Variants in MTHFD2L observed in about 807,000 individuals in gnomAD.
MTHFD2L encodes methylenetetrahydrofolate dehydrogenase (NADP+ dependent) 2 like, also known as bifunctional methylenetetrahydrofolate dehydrogenase/cyclohydrolase 2, mitochondrial.
Under a neutral mutation model 34.9 loss-of-function variants are expected in MTHFD2L, and 29 were observed. That is an observed-to-expected ratio of 0.83 (90% confidence interval 0.62 to 1.13). The LOEUF (loss-of-function observed/expected upper bound fraction) is 1.13. Ranked by LOEUF, MTHFD2L falls within the 50% of genes most tolerant of loss-of-function variation. The pLI, the probability that MTHFD2L is intolerant of heterozygous loss-of-function variation, is 0.00. For synonymous variants in MTHFD2L, 167 were observed against 155.7 expected (o/e 1.07, Z -0.54); for missense variants, 481 against 446.5 (o/e 1.08, Z -0.70).
rs1747469649 is a variant in MTHFD2L at position 74,281,464 on chromosome 4, G to T, written c.845G>T (p.Gly282Val). The T allele has an allele frequency of 6.2e-7, 1 of 1,612,700 alleles. No homozygotes were observed. The highest frequency in any genetic ancestry group is 1.7e-5 in the Admixed American group (1 of 59,858). Residue 282 changes from glycine to valine, a missense_variant, in exon 7 of 8, where the codon GGT becomes GTT. Gly to Val is a moderately radical substitution (Grantham distance 109). Transcript: ENST00000325278. ...ATTACGTCTGATATGGTTAAAGAAGGTGCTGCTGTAATTGATGTGGGTATC... is the reference window on the plus strand; with the variant it reads ...ATTACGTCTGATATGGTTAAAGAAGTTGCTGCTGTAATTGATGTGGGTATC... ...KLITSDMVKE[G>V]AAVIDVGINY... is the part of the protein sequence containing the mutation.
intron 6 of MTHFD2L, among the ~76,000 whole-genome samples, chr4:74,247,874 C>T (rs905167927): frequency 2.0e-4 from 30 of 152,136 alleles, no homozygotes; most frequent in African/African-American, 5.5e-4. Flanking sequence ...CTGCTGGATT[C>T]GGTTTGCCAG....
intron 5 of MTHFD2L, among the ~76,000 whole-genome samples, chr4:74,215,179 C>T (rs1255300521): frequency 6.6e-6 from 1 of 151,756 alleles, no homozygotes; most frequent in Non-Finnish European, 1.5e-5. Flanking sequence ...ACTTGGCTCC[C>T]TGGCTTCAGC....
chr4:74,165,044 A>G, intron 1 of MTHFD2L: 1 of 980,410 alleles, frequency 1.0e-6, no homozygotes, highest in Middle Eastern at 5.2e-4. Context: ...GTCACTATGT[A>G]ATTTTTTTGG....
In MTHFD2L at chr4:74,178,000, A is replaced by C. The variant is rs921624965; in HGVS notation, c.451+2597A>C. Among the ~76,000 whole-genome samples, 10 of 152,130 alleles carry C rather than the reference A, an allele frequency of 6.6e-5. No individual in the cohort carries two copies. In the South Asian group the frequency reaches 2.1e-3, roughly 31 times the overall value. ...ATACTAAGTAGAATGAGCTAGGCAC[A>C]AAAAGAAAAACCTGCATGATCTTAC... On this transcript the variant is annotated intron_variant, in intron 3 of 7. Transcript: ENST00000325278.
upstream of MTHFD2L, among the ~76,000 whole-genome samples, chr4:74,156,120 C>G (rs514451): frequency 0.99 from 151,003 of 152,240 alleles, 74,896 homozygotes; most frequent in Middle Eastern, 1. Flanking sequence ...TTCCCTCTTC[C>G]TGTTGTAAAG....
At chr4:74,293,629 C>T in intron 7 of MTHFD2L, 1 of 523,908 alleles carries the variant, frequency 1.9e-6, no homozygotes, top group Non-Finnish European at 2.4e-6. Flanking sequence ...AGTTCAATGG[C>T]AAGCTACTAA....
intron 7 of MTHFD2L, among the ~76,000 whole-genome samples, chr4:74,298,124 C>T (rs1197795843): frequency 1.3e-5 from 2 of 151,990 alleles, no homozygotes; most frequent in Admixed American, 1.3e-4. Flanking sequence ...TCTCTCATGA[C>T]CATATACAGG....
intron 5 of MTHFD2L, among the ~76,000 whole-genome samples, chr4:74,218,839 C>G (rs563134013): frequency 2.0e-5 from 3 of 152,024 alleles, no homozygotes; most frequent in African/African-American, 7.2e-5. Flanking sequence ...ATCTTGTCTA[C>G]CTATTAATTA....
chr4:74,144,805 T>C (rs961922849), intron 1 of MTHFD2L, among the ~76,000 whole-genome samples: 2 of 152,210 alleles, frequency 1.3e-5, no homozygotes, highest in Non-Finnish European at 2.9e-5. Context: ...TTAATCTTTA[T>C]TTCTGTCATG....
At chr4:74,199,372 C>A (rs148602638) in intron 3 of MTHFD2L, among the ~76,000 whole-genome samples, 2 of 152,116 alleles carry the variant, frequency 1.3e-5, no homozygotes, top group East Asian at 3.9e-4. Flanking sequence ...ACTAACAAAC[C>A]CCTTTTAATC....
At chr4:74,255,188 A>G (rs1285056369) in intron 6 of MTHFD2L, among the ~76,000 whole-genome samples, 2 of 151,622 alleles carry the variant, frequency 1.3e-5, no homozygotes, top group Non-Finnish European at 2.9e-5. Context: ...ATACAGTATA[A>G]AAAAATGTAA....
intron 1 of MTHFD2L, among the ~76,000 whole-genome samples, chr4:74,150,356 C>T (rs1299825084): frequency 1.3e-5 from 2 of 152,318 alleles, no homozygotes; most frequent in African/African-American, 2.4e-5. Flanking sequence ...CAGGTTCAAG[C>T]GATTCTCCTG....
chr4:74,245,019 C>T (rs1742217769), intron 6 of MTHFD2L, among the ~76,000 whole-genome samples: 1 of 151,636 alleles, frequency 6.6e-6, no homozygotes, highest in South Asian at 2.1e-4. Context: ...ACAGTGAAAC[C>T]CCGTCTCTAC....
At chr4:74,235,066 CCTGT>C (rs1189585026) in intron 6 of MTHFD2L, among the ~76,000 whole-genome samples, 1 of 152,016 alleles carries the variant, frequency 6.6e-6, no homozygotes, top group Non-Finnish European at 1.5e-5. Flanking sequence ...ATGACAGGTG[CCTGT>C]CTGTGAGTTG....
intron 1 of MTHFD2L, among the ~76,000 whole-genome samples, chr4:74,165,699 C>G (rs903515620): frequency 3.9e-5 from 6 of 152,176 alleles, no homozygotes; most frequent in Non-Finnish European, 1.5e-5. Context: ...ATTTTCTTAA[C>G]AGTTGCAAAT....
intron 7 of MTHFD2L, among the ~76,000 whole-genome samples, chr4:74,292,223 T>C (rs1213485035): frequency 6.6e-6 from 1 of 152,226 alleles, no homozygotes; most frequent in African/African-American, 2.4e-5. Context: ...TGAAATCAAA[T>C]CAACTTCTAG....
At chr4:74,285,123 AGGT>A (rs1300960235) in intron 7 of MTHFD2L, among the ~76,000 whole-genome samples, 2 of 151,966 alleles carry the variant, frequency 1.3e-5, no homozygotes, top group African/African-American at 4.8e-5. Flanking sequence ...TCTCATTCAT[AGGT>A]GGGAACTGAA....
chr4:74,276,610 T>G (rs1403615307), intron 6 of MTHFD2L, among the ~76,000 whole-genome samples: 1 of 152,160 alleles, frequency 6.6e-6, no homozygotes, highest in Non-Finnish European at 1.5e-5. Context: ...TTGATTCTGT[T>G]TTATCCAATG....
chr4:74,252,680 G>C (rs996291194), intron 6 of MTHFD2L, among the ~76,000 whole-genome samples: 1 of 152,006 alleles, frequency 6.6e-6, no homozygotes, highest in Non-Finnish European at 1.5e-5. Context: ...ATCTTCTGGA[G>C]TAATAAACTG....
Sources: gnomAD v4.1 joint callset for allele counts (sites outside exome capture counted in the v4.1 genomes callset) on GRCh38, gnomAD v4.1.1 for gene constraint, MANE v1.5 for transcripts, NCBI Gene and HGNC (gene_info 2026-07-23, HGNC 2026-07-21) for gene names.